Variants in MICU1 observed in about 807,000 individuals in gnomAD.
The protein encoded by MICU1 is calcium uptake protein 1, mitochondrial.
MICU1 carries 45 observed loss-of-function variants against 56.8 expected under a neutral mutation model. The observed-to-expected ratio is 0.79, with a 90% CI of 0.62 to 1.02. MICU1 has a LOEUF of 1.02. MICU1 is among the 50% of genes least tolerant of loss of function. The pLI is 0.00. For synonymous variants in MICU1, 186 were observed against 195.1 expected (o/e 0.95, Z 0.39); for missense variants, 504 against 587.1 (o/e 0.86, Z 1.46).
In MICU1 at chr10:72,380,177, A is replaced by G. The variant is rs372795341; in HGVS notation, c.1181-4305T>C. Among the ~76,000 whole-genome samples the G allele has an allele frequency of 2.6e-5, 4 of 152,128 alleles. No individual in the cohort carries two copies. In the East Asian group the frequency reaches 7.7e-4, roughly 29 times the overall value. On this transcript the variant is annotated intron_variant, in intron 10 of 11. Coordinates refer to ENST00000361114, the MANE Select transcript of MICU1 (RefSeq NM_001195518.2). ...TTGGTACTGGAATTCTGGCCTCCCT[A>G]TTTGATGATGCTGACTGATGGTTGG...
chr10:72,606,024 A>C (rs918027133), intron 1 of MICU1, among the ~76,000 whole-genome samples: 35 of 151,446 alleles, frequency 2.3e-4, no homozygotes, highest in African/African-American at 8.3e-4. Flanking sequence ...CCAGCTACTC[A>C]GGAGGCTGAG....
At chr10:72,589,442 AT>A (rs1305904991) in intron 1 of MICU1, among the ~76,000 whole-genome samples, 1 of 152,226 alleles carries the variant, frequency 6.6e-6, no homozygotes, top group African/African-American at 2.4e-5. Flanking sequence ...GTAACTCAAC[AT>A]CATAAACCCT....
At chr10:72,552,035 C>T (rs1840047492) in intron 3 of MICU1, among the ~76,000 whole-genome samples, 1 of 152,224 alleles carries the variant, frequency 6.6e-6, no homozygotes, top group South Asian at 2.1e-4. Flanking sequence ...TCATAGGTTT[C>T]AAAAGCTAGT....
chr10:72,502,539 T>C (rs1030491350), intron 6 of MICU1, among the ~76,000 whole-genome samples: 1 of 152,222 alleles, frequency 6.6e-6, no homozygotes, highest in Non-Finnish European at 1.5e-5. Flanking sequence ...TGCACTGTTC[T>C]AGCTGGTTTT....
intron 4 of MICU1, among the ~76,000 whole-genome samples, chr10:72,537,207 G>T (rs1370808250): frequency 2.6e-5 from 4 of 152,122 alleles, no homozygotes; most frequent in Non-Finnish European, 5.9e-5. Context: ...GTTATGTTTT[G>T]ATTTATTTAC....
chr10:72,371,296 A>G (rs1321508473), intron 11 of MICU1, among the ~76,000 whole-genome samples: 4 of 148,874 alleles, frequency 2.7e-5, no homozygotes, highest in Non-Finnish European at 4.4e-5. Flanking sequence ...CTGAGGCAGG[A>G]GAATGGCGTG....
intron 9 of MICU1, 51 bp from the exon 10 acceptor site, chr10:72,408,088 C>T (rs1037903381): frequency 4.4e-6 from 5 of 1,134,284 alleles, no homozygotes; most frequent in African/African-American, 3.1e-5. Context: ...CAAAAAGCAG[C>T]ACGATATGCA....
intron 1 of MICU1, among the ~76,000 whole-genome samples, chr10:72,573,392 G>A (rs1246576688): frequency 6.9e-6 from 1 of 145,300 alleles, no homozygotes; most frequent in Non-Finnish European, 1.5e-5. Context: ...TAAAAAAGGA[G>A]AAAATAAGAA....
chr10:72,577,509 C>CAA (rs534974944), intron 1 of MICU1, among the ~76,000 whole-genome samples: 16 of 85,886 alleles, frequency 1.9e-4, no homozygotes, highest in African/African-American at 6.2e-4. Context: ...AACTCCGTCT[C>CAA]AAAAAAAAAA....
chr10:72,530,158 T>A (rs1839436207), intron 5 of MICU1, among the ~76,000 whole-genome samples: 1 of 150,962 alleles, frequency 6.6e-6, no homozygotes, highest in South Asian at 2.1e-4. Flanking sequence ...TAAAACCCCG[T>A]CTCTACTAAA....
At chr10:72,414,538 G>A (rs1339776919) in intron 9 of MICU1, among the ~76,000 whole-genome samples, 1 of 152,154 alleles carries the variant, frequency 6.6e-6, no homozygotes, top group Non-Finnish European at 1.5e-5. Context: ...GTAGAAATGA[G>A]GATTGACTGA....
intron 5 of MICU1, among the ~76,000 whole-genome samples, chr10:72,511,049 T>C (rs1484384094): frequency 6.6e-6 from 1 of 152,238 alleles, no homozygotes; most frequent in East Asian, 1.9e-4. Context: ...GTCATGTCTC[T>C]TTAGTCTCCA....
chr10:72,408,956 C>T (rs760617149), intron 9 of MICU1, among the ~76,000 whole-genome samples: 5 of 151,750 alleles, frequency 3.3e-5, no homozygotes, highest in Admixed American at 6.6e-5. Context: ...TTTTCAAAAA[C>T]GGTTTAAAGA....
intron 10 of MICU1, among the ~76,000 whole-genome samples, chr10:72,388,316 T>C (rs545741384): frequency 6.6e-6 from 1 of 152,340 alleles, no homozygotes; most frequent in African/African-American, 2.4e-5. Flanking sequence ...CTTTTTCTGG[T>C]CTGTGGTATC....
intron 9 of MICU1, among the ~76,000 whole-genome samples, chr10:72,415,454 T>C (rs1863954693): frequency 6.6e-6 from 1 of 152,216 alleles, no homozygotes; most frequent in South Asian, 2.1e-4. Flanking sequence ...ATGCCTGTCT[T>C]GCTCTAATAA....
At chr10:72,372,456 C>T (rs1440471214) in intron 11 of MICU1, among the ~76,000 whole-genome samples, 1 of 151,964 alleles carries the variant, frequency 6.6e-6, no homozygotes, top group Non-Finnish European at 1.5e-5. Flanking sequence ...CATAGTGAGA[C>T]CTCTCTCTAA....
chr10:72,504,961 TC>T (rs1867195386), intron 6 of MICU1, among the ~76,000 whole-genome samples: 1 of 149,668 alleles, frequency 6.7e-6, no homozygotes, highest in Non-Finnish European at 1.5e-5. Context: ...GCTATTATTA[TC>T]ATTATTATTA....
At chr10:72,454,581 G>A (rs978508461) in intron 8 of MICU1, among the ~76,000 whole-genome samples, 3 of 151,926 alleles carry the variant, frequency 2.0e-5, no homozygotes, top group African/African-American at 7.3e-5. Context: ...TCAGGAGTTT[G>A]AGACCAGCCT....
chr10:72,408,993 A>G (rs144943843), intron 9 of MICU1, among the ~76,000 whole-genome samples: 152 of 152,268 alleles, frequency 1.0e-3, no homozygotes, highest in Non-Finnish European at 1.6e-3. Flanking sequence ...TCCACTTTCT[A>G]TGATGCATCG....
Sources: gnomAD v4.1 joint callset for allele counts (sites outside exome capture counted in the v4.1 genomes callset) on GRCh38, gnomAD v4.1.1 for gene constraint, MANE v1.5 for transcripts, NCBI Gene and HGNC (gene_info 2026-07-23, HGNC 2026-07-21) for gene names.